CRPPA: variants seen among roughly 807,000 people sequenced by gnomAD.
CRPPA encodes the protein CDP-L-ribitol pyrophosphorylase A.
A neutral mutation model predicts 52.0 loss-of-function variants in CRPPA; 43 were observed. The observed-to-expected ratio is 0.83, with a 90% CI of 0.65 to 1.07. CRPPA has a LOEUF of 1.07. CRPPA is among the 50% of genes least tolerant of loss of function. The pLI is 0.00. For synonymous variants in CRPPA, 250 were observed against 203.5 expected (o/e 1.23, Z -1.94); for missense variants, 629 against 551.7 (o/e 1.14, Z -1.40).
chr7:16,110,385 A>C (rs1314266540), intron 9 of CRPPA, among the ~76,000 whole-genome samples: 1 of 152,090 alleles, frequency 6.6e-6, no homozygotes, highest in African/African-American at 2.4e-5. Context: ...ATTCCTAACA[A>C]TATTCTAATG....
At chr7:16,108,744 T>C (rs1782203554) in intron 9 of CRPPA, among the ~76,000 whole-genome samples, 1 of 151,874 alleles carries the variant, frequency 6.6e-6, no homozygotes, top group Non-Finnish European at 1.5e-5. Flanking sequence ...AATACTAAAA[T>C]TATATTAAGT....
Position 16,274,455 on chromosome 7 carries a change from C to A in CRPPA, c.933+3674G>T, listed in dbSNP as rs1055016334. On this transcript the variant is annotated intron_variant, in intron 6 of 9. Coordinates refer to ENST00000407010, the MANE Select transcript of CRPPA (RefSeq NM_001101426.4). ...AATTTAGAAGTCAGGGAAGGCTTAG[C>A]AGGAACGATATCTCCTTTCAAGGTG... 9.2e-5 allele frequency among the ~76,000 whole-genome samples: 14 copies of A among 152,056 alleles called. No individual in the cohort carries two copies. The East Asian group carries it at 2.5e-3, about 27-fold the overall frequency.
At chr7:16,265,333 T>C (rs936788968) in intron 6 of CRPPA, among the ~76,000 whole-genome samples, 1 of 152,180 alleles carries the variant, frequency 6.6e-6, no homozygotes, top group African/African-American at 2.4e-5. Context: ...TTCTGAGACA[T>C]TGCACTGCTA....
chr7:16,278,945 A>C (rs1445557068), intron 5 of CRPPA, among the ~76,000 whole-genome samples: 1 of 152,188 alleles, frequency 6.6e-6, no homozygotes, highest in Non-Finnish European at 1.5e-5. Flanking sequence ...TGTTATCATG[A>C]TACAAAGTTC....
At chr7:16,366,469 C>A (rs1786590788) in intron 3 of CRPPA, among the ~76,000 whole-genome samples, 1 of 152,074 alleles carries the variant, frequency 6.6e-6, no homozygotes, top group South Asian at 2.1e-4. Flanking sequence ...AAACTATAAC[C>A]ACTGCTAACC....
At chr7:16,210,175 T>C (rs1339994743) in intron 9 of CRPPA, among the ~76,000 whole-genome samples, 2 of 152,340 alleles carry the variant, frequency 1.3e-5, no homozygotes, top group African/African-American at 2.4e-5. Flanking sequence ...TAGATACATG[T>C]ATATAATTTG....
intron 3 of CRPPA, among the ~76,000 whole-genome samples, chr7:16,367,802 T>C (rs923541597): frequency 5.9e-5 from 9 of 152,276 alleles, no homozygotes; most frequent in South Asian, 2.1e-4. Flanking sequence ...GGAGGGGTTG[T>C]TTCAATTAAG....
chr7:16,242,419 A>G (rs1783141415), intron 8 of CRPPA, among the ~76,000 whole-genome samples: 1 of 152,212 alleles, frequency 6.6e-6, no homozygotes, highest in Non-Finnish European at 1.5e-5. Context: ...GATATGTCCC[A>G]TGTTCATATC....
intron 3 of CRPPA, among the ~76,000 whole-genome samples, chr7:16,332,529 G>T (rs187929456): frequency 5.8e-4 from 88 of 152,206 alleles, no homozygotes; most frequent in African/African-American, 1.9e-3. Context: ...TGCAGGGAAT[G>T]ATAAAGACTA....
chr7:16,254,911 A>G (rs1202833885), intron 8 of CRPPA, among the ~76,000 whole-genome samples: 3 of 152,288 alleles, frequency 2.0e-5, no homozygotes, highest in African/African-American at 7.2e-5. Context: ...CACCACTCCT[A>G]TTCAACATAG....
At position 16,278,194 on chromosome 7, in the gene CRPPA, C is replaced by T. The variant is rs1784249249; in HGVS notation, c.868G>A (p.Asp290Asn). The T allele has an allele frequency of 6.3e-7, 1 of 1,578,406 alleles. No individual in the cohort carries two copies. The highest frequency in any genetic ancestry group is 8.6e-7 in the Non-Finnish European group (1 of 1,157,590). The part of the protein sequence containing the change: ...RISQEICVVM[D>N]TEEDNKHVGH... ...ACATGTTTGTTATCTTCTTCTGTAT[C>T]CATAACTACACAAATCTCTTGGGAA... is the stretch of plus-strand genomic sequence containing the variant. The change falls in exon 6 of 10, where the codon GAT becomes AAT. Residue 290 changes from aspartate (D) to asparagine (N), a missense_variant. By Grantham distance (23) the Asp-to-Asn change is conservative. Coordinates refer to ENST00000407010, the MANE Select transcript of CRPPA (RefSeq NM_001101426.4).
chr7:16,260,103 C>T (rs1456965643), intron 6 of CRPPA, among the ~76,000 whole-genome samples: 6 of 151,860 alleles, frequency 4.0e-5, no homozygotes, highest in Admixed American at 3.3e-4. Flanking sequence ...ATCCATTCTG[C>T]GATAGTAAGT....
At chr7:16,208,272 T>C (rs1782021703) in intron 9 of CRPPA, among the ~76,000 whole-genome samples, 1 of 152,098 alleles carries the variant, frequency 6.6e-6, no homozygotes, top group African/African-American at 2.4e-5. Context: ...TAAGGGATAA[T>C]TTTTTAAAAA....
intron 3 of CRPPA, among the ~76,000 whole-genome samples, chr7:16,323,165 A>G (rs1045005419): frequency 3.3e-5 from 5 of 152,178 alleles, no homozygotes; most frequent in Non-Finnish European, 7.3e-5. Context: ...TTTTTAATTC[A>G]CAAGTCTCCA....
intron 6 of CRPPA, among the ~76,000 whole-genome samples, chr7:16,268,179 A>G (rs1156515889): frequency 6.6e-6 from 1 of 152,102 alleles, no homozygotes; most frequent in East Asian, 1.9e-4. Context: ...AATTGTCTAG[A>G]TAAGAAATAT....
Position 16,305,695 on chromosome 7 carries a change from G to C in CRPPA, c.789+2828C>G, listed in dbSNP as rs150796287. On this transcript the variant is annotated intron_variant, in intron 4 of 9. Coordinates refer to ENST00000407010, the MANE Select transcript of CRPPA (RefSeq NM_001101426.4). ...ATCCTGGCCAACATGGTGAAACCCC[G>C]TCTCTACTAAAAATACAAAAATTAG... Among the ~76,000 whole-genome samples, 3 of 152,158 alleles carry C rather than the reference G, an allele frequency of 2.0e-5. No individual in the cohort carries two copies. In the East Asian group the frequency reaches 5.8e-4, roughly 30 times the overall value.
At chr7:16,372,718 T>C (rs1324274086) in intron 3 of CRPPA, among the ~76,000 whole-genome samples, 1 of 152,142 alleles carries the variant, frequency 6.6e-6, no homozygotes, top group Non-Finnish European at 1.5e-5. Flanking sequence ...GTAAATGGCC[T>C]ATATGCTGTA....
At chr7:16,397,860 T>C (rs1188349283) in intron 2 of CRPPA, among the ~76,000 whole-genome samples, 1 of 152,100 alleles carries the variant, frequency 6.6e-6, no homozygotes, top group South Asian at 2.1e-4. Context: ...CATCACGTGA[T>C]CAACACGTGT....
intron 8 of CRPPA, among the ~76,000 whole-genome samples, chr7:16,229,384 G>A (rs562709731): frequency 6.6e-6 from 1 of 152,048 alleles, no homozygotes; most frequent in East Asian, 1.9e-4. Flanking sequence ...TTGTGGCCAA[G>A]TAAATTTTTT....
Sources: gnomAD v4.1 joint callset for allele counts (sites outside exome capture counted in the v4.1 genomes callset) on GRCh38, gnomAD v4.1.1 for gene constraint, MANE v1.5 for transcripts, NCBI Gene and HGNC (gene_info 2026-07-23, HGNC 2026-07-21) for gene names.